Variants in SLC7A2 observed in about 807,000 individuals in gnomAD.
SLC7A2 encodes the protein cationic amino acid transporter 2.
A neutral mutation model predicts 58.9 loss-of-function variants in SLC7A2; 48 were observed. That is an observed-to-expected ratio of 0.82 (90% CI 0.65 to 1.04). The LOEUF (loss-of-function observed/expected upper bound fraction) is 1.04, where lower values mean the gene tolerates loss of function less well. Among genes scored for constraint, SLC7A2 ranks in the 50% least tolerant of loss-of-function variants. The pLI is 0.00. For missense variants in SLC7A2, 1,029 were observed against 818.8 expected, an observed-to-expected ratio of 1.26 and a Z score of -3.13; for synonymous variants, 363 against 314.5, an observed-to-expected ratio of 1.15 and a Z score of -1.63.
intron 2 of SLC7A2, among the ~76,000 whole-genome samples, chr8:17,512,111 A>G (rs1345113971): frequency 6.6e-6 from 1 of 152,234 alleles, no homozygotes; most frequent in Non-Finnish European, 1.5e-5. Flanking sequence ...CAAAAAGGAC[A>G]TGGATGTCCT....
At chr8:17,501,159 G>A (rs1203495350) in intron 1 of SLC7A2, among the ~76,000 whole-genome samples, 3 of 152,046 alleles carry the variant, frequency 2.0e-5, no homozygotes, top group Non-Finnish European at 4.4e-5. Flanking sequence ...GATTACAGGC[G>A]TGTGCCACCA....
chr8:17,565,511 G>A lies in SLC7A2; in HGVS notation c.*365G>A, dbSNP rs1803229712. On this transcript the variant is annotated 3_prime_UTR_variant, in exon 13 of 13. Coordinates refer to ENST00000494857, the MANE Select transcript of SLC7A2 (RefSeq NM_001370338.1). ...TCGTCATTAATCGGTGGCATATACT[G>A]CACATACTGAAATAGAGGGAAATCA... 2 of 172,928 alleles carry A rather than the reference G, an allele frequency of 1.2e-5. No homozygotes were observed. The highest frequency in any genetic ancestry group is 5.8e-5 in the Admixed American group (1 of 17,200). The allele number at this position is 172,928 out of a possible 1,614,324, so 10.7% of individuals were successfully genotyped here.
chr8:17,520,694 T>A (rs1800981787), intron 2 of SLC7A2: 14 of 344,300 alleles, frequency 4.1e-5, no homozygotes, highest in Non-Finnish European at 5.5e-5. Flanking sequence ...AAACAGAAAT[T>A]TACTTTCATT....
chr8:17,518,275 C>A (rs946734980), intron 2 of SLC7A2, among the ~76,000 whole-genome samples: 2 of 151,436 alleles, frequency 1.3e-5, no homozygotes, highest in East Asian at 3.9e-4. Flanking sequence ...GCAACTCCAT[C>A]GATTCTGAGT....
intron 10 of SLC7A2, among the ~76,000 whole-genome samples, chr8:17,561,428 C>G (rs944139536): frequency 1.3e-5 from 2 of 152,084 alleles, no homozygotes; most frequent in African/African-American, 4.8e-5. Context: ...GCCATGAGAA[C>G]AGTGTGGGGG....
At chr8:17,504,633 G>A (rs1014950272) in intron 2 of SLC7A2, among the ~76,000 whole-genome samples, 1 of 152,044 alleles carries the variant, frequency 6.6e-6, no homozygotes, top group Admixed American at 6.5e-5. Flanking sequence ...TCTTCTCTTT[G>A]GCTTTCATCT....
chr8:17,550,814 T>A (rs1406464349), intron 6 of SLC7A2, among the ~76,000 whole-genome samples: 1 of 152,210 alleles, frequency 6.6e-6, no homozygotes, highest in East Asian at 1.9e-4. Flanking sequence ...TTAAATGGTC[T>A]CTTTGTTAGT....
At chr8:17,548,622 A>C (rs1402699439) in intron 4 of SLC7A2, 56 bp from the exon 5 acceptor site, 2 of 1,347,936 alleles carry the variant, frequency 1.5e-6, no homozygotes. Flanking sequence ...ATTTGCCTCA[A>C]AATGCTATTG....
chr8:17,528,199 CGTA>C (rs1801295996), intron 2 of SLC7A2, among the ~76,000 whole-genome samples: 1 of 151,992 alleles, frequency 6.6e-6, no homozygotes, highest in Non-Finnish European at 1.5e-5. Flanking sequence ...AGCAGAGCTC[CGTA>C]CACTGTCGAG....
At position 17,550,331 on chromosome 8, in the gene SLC7A2, C is replaced by CT. The variant is rs1479751433; in HGVS notation, c.730dup (p.Tyr244LeufsTer29). The CT allele has an allele frequency of 6.2e-7, 1 of 1,614,018 alleles. No homozygotes were observed. The highest frequency in any genetic ancestry group is 1.7e-5 in the Admixed American group (1 of 60,004). On this transcript the variant is annotated frameshift_variant, in exon 6 of 13. Transcript: ENST00000494857. LOFTEE classifies it high-confidence loss of function. ...CACCTTCTGAAAACGGAACAAGTAT[C>CT]TATGGGGCTGGTGGCTTTATGCCTT...
At chr8:17,548,588 T>G in intron 4 of SLC7A2, 90 bp from the exon 5 acceptor site, 1 of 883,900 alleles carries the variant, frequency 1.1e-6, no homozygotes. Context: ...TGAATGCTGG[T>G]GAAATAATAT....
At chr8:17,503,594 G>A (rs550466450) in intron 2 of SLC7A2, among the ~76,000 whole-genome samples, 1 of 152,016 alleles carries the variant, frequency 6.6e-6, no homozygotes, top group Admixed American at 6.6e-5. Context: ...GTATCAAAGA[G>A]TACTTATTAT....
intron 2 of SLC7A2, among the ~76,000 whole-genome samples, chr8:17,534,575 G>A (rs1801584106): frequency 6.6e-6 from 1 of 151,740 alleles, no homozygotes; most frequent in African/African-American, 2.4e-5. Context: ...ACTCTGTTTG[G>A]AATTCTGACA....
At chr8:17,553,791 C>A (rs2517256) in intron 7 of SLC7A2, among the ~76,000 whole-genome samples, 143,969 of 152,274 alleles carry the variant, frequency 0.95, 68,169 homozygotes, top group East Asian at 1. Flanking sequence ...TAAAATAAAT[C>A]AATAAGAAGG....
intron 8 of SLC7A2, 118 bp downstream of exon 8, chr8:17,554,817 T>C: frequency 6.9e-7 from 1 of 1,442,956 alleles, no homozygotes. Flanking sequence ...CAGTCACTTT[T>C]TTGTGAGTGT....
upstream of SLC7A2, among the ~76,000 whole-genome samples, chr8:17,496,429 T>A (rs998828732): frequency 1.3e-5 from 2 of 152,178 alleles, no homozygotes; most frequent in Admixed American, 6.5e-5. Flanking sequence ...GGCTTTCACA[T>A]TGTGACTTAA....
intron 4 of SLC7A2, among the ~76,000 whole-genome samples, chr8:17,546,882 G>C (rs1265613014): frequency 6.6e-6 from 1 of 151,910 alleles, no homozygotes; most frequent in East Asian, 1.9e-4. Context: ...ATACCAGATG[G>C]GTTAAAGATA....
chr8:17,548,596 T>C lies in SLC7A2; in HGVS notation c.533-82T>C, dbSNP rs1364373149. 4 of 941,904 alleles carry C rather than the reference T, an allele frequency of 4.2e-6. No homozygotes were observed. In the East Asian group the frequency reaches 9.8e-5, roughly 23 times the overall value. The allele number at this position is 941,904 out of a possible 1,614,324, so 58.3% of individuals were successfully genotyped here. On this transcript the variant is annotated intron_variant, in intron 4 of 12. Transcript: ENST00000494857. The stretch of plus-strand genomic sequence containing the variant: ...AAAGACATGAATGCTGGTGAAATAA[T>C]ATCCTAAAGTCATGTATTTGCCTCA...
chr8:17,537,119 C>T (rs576204193), intron 2 of SLC7A2, among the ~76,000 whole-genome samples: 4 of 152,284 alleles, frequency 2.6e-5, no homozygotes, highest in South Asian at 2.1e-4. Flanking sequence ...TGCAGTGGCA[C>T]GATCTTGGCT....
Sources: gnomAD v4.1 joint callset for allele counts (sites outside exome capture counted in the v4.1 genomes callset) on GRCh38, gnomAD v4.1.1 for gene constraint, MANE v1.5 for transcripts, NCBI Gene and HGNC (gene_info 2026-07-23, HGNC 2026-07-21) for gene names.